The following NRXN1 variants were observed in gnomAD, a reference collection of about 807,000 sequenced individuals.
NRXN1 encodes the protein neurexin 1.
A neutral mutation model predicts 150.9 loss-of-function variants in NRXN1; 39 were observed. The observed-to-expected ratio is 0.26, with a 90% CI of 0.20 to 0.34. NRXN1 has a LOEUF of 0.34. NRXN1 is among the 10% of genes least tolerant of loss of function. The pLI is 1.00. For synonymous variants in NRXN1, 924 were observed against 757.0 expected (o/e 1.22, Z -3.62); for missense variants, 1,815 against 1,949.9 (o/e 0.93, Z 1.30).
chr2:50,566,056 C>T (rs965842974), intron 8 of NRXN1, among the ~76,000 whole-genome samples: 3 of 152,118 alleles, frequency 2.0e-5, no homozygotes, highest in South Asian at 2.1e-4. Context: ...GATGCTGACC[C>T]GACACTAGGT....
At chr2:50,879,172 G>C (rs1010294741) in intron 5 of NRXN1, among the ~76,000 whole-genome samples, 5 of 151,802 alleles carry the variant, frequency 3.3e-5, no homozygotes, top group Non-Finnish European at 7.4e-5. Flanking sequence ...TCAGAAAGGA[G>C]GGATTCTGCT....
chr2:50,709,206 CACA>C (rs1429045395), intron 5 of NRXN1, among the ~76,000 whole-genome samples: 1 of 152,126 alleles, frequency 6.6e-6, no homozygotes, highest in Non-Finnish European at 1.5e-5. Flanking sequence ...GTGATATTTG[CACA>C]CATTTATTCA....
At chr2:50,718,631 A>T (rs778449411) in intron 5 of NRXN1, among the ~76,000 whole-genome samples, 7 of 152,206 alleles carry the variant, frequency 4.6e-5, no homozygotes, top group Non-Finnish European at 1.0e-4. Context: ...CACTAATTGC[A>T]GTATGAGGAA....
chr2:51,003,879 C>A (rs1700368936), intron 2 of NRXN1, among the ~76,000 whole-genome samples: 2 of 151,896 alleles, frequency 1.3e-5, no homozygotes, highest in Admixed American at 6.6e-5. Flanking sequence ...CTGGCTGATA[C>A]TGATTATTTT....
In NRXN1 at chr2:50,347,189, G is replaced by A. The variant is rs200389903; in HGVS notation, c.3365-110219C>T. 2.9e-5 allele frequency: 39 copies of A among 1,353,968 alleles called. No individual in the cohort carries two copies. The highest frequency in any genetic ancestry group is 3.8e-5 in the Non-Finnish European group (39 of 1,032,174). 83.9% of individuals were successfully genotyped at this position (1,353,968 alleles called of 1,614,324 possible). The stretch of plus-strand genomic sequence containing the variant: ...GGCGAATGCAGCTGGAGAGGGGCTT[G>A]TCCGGAAAGGCAGCCCCGGGAACAG... On this transcript the variant is annotated intron_variant, in intron 17 of 22. Transcript: ENST00000401669. The surrounding 1 kb of genome is among the most constrained non-coding windows in gnomAD (Gnocchi z 4.9).
chr2:50,872,445 G>A (rs939852440), intron 5 of NRXN1, among the ~76,000 whole-genome samples: 2 of 151,462 alleles, frequency 1.3e-5, no homozygotes, highest in Admixed American at 1.3e-4. Context: ...AGTGATATTG[G>A]GTATTTAGGG....
chr2:50,920,905 T>G (rs1300542340), intron 5 of NRXN1, among the ~76,000 whole-genome samples: 1 of 151,708 alleles, frequency 6.6e-6, no homozygotes, highest in African/African-American at 2.4e-5. Flanking sequence ...ATTGCCTGGC[T>G]CATGTTCAGA....
At chr2:50,741,363 C>T (rs764329028) in intron 5 of NRXN1, among the ~76,000 whole-genome samples, 5 of 152,074 alleles carry the variant, frequency 3.3e-5, no homozygotes, top group Non-Finnish European at 7.3e-5. Context: ...ATCTATGACA[C>T]TTTGCCATGG....
At chr2:50,978,763 C>T (rs1021081144) in intron 2 of NRXN1, among the ~76,000 whole-genome samples, 1 of 151,964 alleles carries the variant, frequency 6.6e-6, no homozygotes, top group Admixed American at 6.6e-5. Context: ...CTTCTTTGTG[C>T]TTTTCCCCAT....
chr2:50,529,664 G>A (rs546632939), intron 11 of NRXN1, among the ~76,000 whole-genome samples: 1 of 152,232 alleles, frequency 6.6e-6, no homozygotes, highest in African/African-American at 2.4e-5. Context: ...AAACAGCCAA[G>A]GACCAGCACC....
chr2:50,262,413 C>T (rs1049156581), intron 17 of NRXN1, among the ~76,000 whole-genome samples: 2 of 151,842 alleles, frequency 1.3e-5, no homozygotes, highest in African/African-American at 2.4e-5. Context: ...TAGTCTAAAA[C>T]CAGTTCCAGG....
chr2:50,971,064 C>T (rs775730505), intron 2 of NRXN1, among the ~76,000 whole-genome samples: 6 of 152,068 alleles, frequency 3.9e-5, no homozygotes, highest in Admixed American at 2.6e-4. Context: ...TTAAAAGGGT[C>T]TATCTACAAA....
At chr2:50,724,595 T>C (rs770488680) in intron 5 of NRXN1, among the ~76,000 whole-genome samples, 2 of 152,156 alleles carry the variant, frequency 1.3e-5, no homozygotes, top group Non-Finnish European at 2.9e-5. Context: ...TGGCTTTATA[T>C]GGTAAAACAT....
chr2:50,670,509 G>A (rs1483191698), intron 5 of NRXN1, among the ~76,000 whole-genome samples: 1 of 151,880 alleles, frequency 6.6e-6, no homozygotes, highest in Non-Finnish European at 1.5e-5. Context: ...CACCCAGTTT[G>A]TCCTAATGCT....
chr2:50,561,841 C>T (rs1669131470), intron 8 of NRXN1, among the ~76,000 whole-genome samples: 1 of 152,158 alleles, frequency 6.6e-6, no homozygotes, highest in Admixed American at 6.5e-5. Flanking sequence ...AATCAATAAA[C>T]TTGCAATGTT....
chr2:50,859,224 A>G (rs1454559110), intron 5 of NRXN1, among the ~76,000 whole-genome samples: 1 of 152,012 alleles, frequency 6.6e-6, no homozygotes. Context: ...CTCAGCATAC[A>G]GAATACATTC....
chr2:50,391,516 A>C (rs1160430908), intron 17 of NRXN1, among the ~76,000 whole-genome samples: 1 of 152,184 alleles, frequency 6.6e-6, no homozygotes, highest in Admixed American at 6.5e-5. Flanking sequence ...CTTAAAATAT[A>C]GTTATTAGGG....
chr2:50,131,767 C>A (rs559869280), intron 18 of NRXN1, among the ~76,000 whole-genome samples: 2 of 152,102 alleles, frequency 1.3e-5, no homozygotes, highest in South Asian at 4.2e-4. Flanking sequence ...TAAAAATTTG[C>A]AATTACTGAT....
At chr2:50,631,123 C>T (rs771376837) in intron 5 of NRXN1, 2 of 444,596 alleles carry the variant, frequency 4.5e-6, no homozygotes, top group Non-Finnish European at 4.6e-6. Flanking sequence ...GAGTAGTTCA[C>T]TCATTAGATT....
Sources: allele counts gnomAD v4.1 joint callset (sites outside exome capture counted in the v4.1 genomes callset), GRCh38; gene constraint gnomAD v4.1.1; non-coding constraint Gnocchi (gnomAD v3.1); transcripts MANE v1.5; gene names NCBI Gene and HGNC (gene_info 2026-07-23, HGNC 2026-07-21).